LRRIQ1: variants seen among roughly 807,000 people sequenced by gnomAD.
LRRIQ1 encodes the protein leucine rich repeats and IQ motif containing 1.
In LRRIQ1, 210 loss-of-function variants were observed where a neutral mutation model predicts 211.9. The observed-to-expected ratio is 0.99, with a 90% CI of 0.89 to 1.11. The LOEUF (loss-of-function observed/expected upper bound fraction) is 1.11. Among genes scored for constraint, LRRIQ1 ranks in the 50% most tolerant of loss-of-function variants. The probability of loss-of-function intolerance (pLI) is 0.00; values close to 1 mark genes in which losing one functional copy is unlikely to be tolerated. For synonymous variants in LRRIQ1, 699 were observed against 650.1 expected (o/e 1.08, Z -1.14); for missense variants, 2,136 against 1,939.5 (o/e 1.10, Z -1.90).
chr12:85,101,812 A>G (rs538725957), intron 13 of LRRIQ1, among the ~76,000 whole-genome samples: 2 of 151,878 alleles, frequency 1.3e-5, no homozygotes, highest in South Asian at 2.1e-4. Context: ...TTCAAAGCGT[A>G]TATTTCTTCA....
intron 24 of LRRIQ1, among the ~76,000 whole-genome samples, chr12:85,217,912 C>T (rs930530989): frequency 2.0e-5 from 3 of 151,144 alleles, no homozygotes; most frequent in South Asian, 2.1e-4. Flanking sequence ...TGCTATTGAG[C>T]GGGCCCTAGT....
At chr12:85,057,283 G>A in intron 8 of LRRIQ1, 99 bp downstream of exon 8, 1 of 951,144 alleles carries the variant, frequency 1.1e-6, no homozygotes, top group Non-Finnish European at 1.5e-6. Flanking sequence ...TTGTATACAA[G>A]AATTGTCTCT....
chr12:85,232,208 T>A (rs939908847), intron 25 of LRRIQ1, among the ~76,000 whole-genome samples: 11 of 151,988 alleles, frequency 7.2e-5, no homozygotes, highest in South Asian at 2.1e-4. Flanking sequence ...AAGAAAAAAA[T>A]TATTTTCAAA....
At chr12:85,192,967 T>TTA (rs1459266061) in intron 24 of LRRIQ1, among the ~76,000 whole-genome samples, 1 of 27,096 alleles carries the variant, frequency 3.7e-5, no homozygotes, top group Non-Finnish European at 6.4e-5. Flanking sequence ...TATAATATAA[T>TTA]TATATATAAA....
chr12:85,056,810 G>A lies in LRRIQ1; in HGVS notation c.2017G>A (p.Asp673Asn), dbSNP rs757145714. 1 of 1,611,206 alleles carries A rather than the reference G, an allele frequency of 6.2e-7. No individual in the cohort carries two copies. The part of the protein sequence containing the change: ...TMINIEGKRN[D>N]QDYVLGRHAP... ...GATAAATATAGAAGGCAAAAGAAAT[G>A]ACCAAGATTATGTGTTAGGTAGACA... The change falls in exon 8 of 27, where the codon GAC becomes AAC. Residue 673 changes from aspartate to asparagine, a missense_variant. Transcript: ENST00000393217.
chr12:85,075,142 G>GTT (rs1475341506), intron 11 of LRRIQ1, among the ~76,000 whole-genome samples: 4 of 152,066 alleles, frequency 2.6e-5, no homozygotes, highest in Non-Finnish European at 1.5e-5. Context: ...ACTGGCATGA[G>GTT]TTAGGTACTA....
intron 11 of LRRIQ1, among the ~76,000 whole-genome samples, chr12:85,079,244 C>CTTTTTTTT (rs3058476): frequency 3.7e-4 from 38 of 103,566 alleles, no homozygotes; most frequent in African/African-American, 6.1e-4. Flanking sequence ...GTATCTTTAT[C>CTTTTTTTT]TTTTTTTTTT....
chr12:85,272,273 A>G, the LRRIQ1 span, among the ~76,000 whole-genome samples: 1 of 152,164 alleles, frequency 6.6e-6, no homozygotes, highest in South Asian at 2.1e-4. Context: ...AGTTTTATTA[A>G]CCTAAAAAAG....
intron 24 of LRRIQ1, among the ~76,000 whole-genome samples, chr12:85,177,616 T>C (rs1330484811): frequency 6.6e-6 from 1 of 152,088 alleles, no homozygotes; most frequent in Non-Finnish European, 1.5e-5. Context: ...AGGAGTGAGA[T>C]GAAGCTGGAA....
intron 15 of LRRIQ1, among the ~76,000 whole-genome samples, chr12:85,109,599 G>T (rs1329940875): frequency 6.6e-6 from 1 of 152,084 alleles, no homozygotes; most frequent in African/African-American, 2.4e-5. Flanking sequence ...GGTTCTCAAA[G>T]GTGTGTCTCT....
intron 11 of LRRIQ1, among the ~76,000 whole-genome samples, chr12:85,079,864 G>A (rs1053710601): frequency 6.6e-6 from 1 of 151,122 alleles, no homozygotes; most frequent in African/African-American, 2.4e-5. Flanking sequence ...TATTCTTTTA[G>A]GTTACTATAG....
At chr12:85,124,583 A>T (rs572936724) in intron 17 of LRRIQ1, 64 bp downstream of exon 17, 2 of 1,202,468 alleles carry the variant, frequency 1.7e-6, no homozygotes, top group Non-Finnish European at 2.4e-6. Context: ...GGATGATATT[A>T]GTCAATGGTA....
chr12:85,109,978 A>T (rs1332432106), intron 15 of LRRIQ1, among the ~76,000 whole-genome samples: 1 of 152,036 alleles, frequency 6.6e-6, no homozygotes, highest in African/African-American at 2.4e-5. Context: ...TAACTTTTTT[A>T]TGTCTCTGAA....
In LRRIQ1 at chr12:85,057,195, T is replaced by G. The variant is rs920428290; in HGVS notation, c.2391+11T>G. 1 of 1,383,930 alleles carries G rather than the reference T, an allele frequency of 7.2e-7. No homozygotes were observed. Among genetic ancestry groups the G allele is most frequent in the African/African-American group, 1.5e-5 (1 of 67,036 alleles). 85.7% of individuals were successfully genotyped at this position (1,383,930 alleles called of 1,614,324 possible). A position where few individuals can be genotyped will look rare whatever the true frequency, so the allele number is the denominator to read the frequency against. ...GATACTTTACAGCAGGTATTTCTAA[T>G]TTTATAATAATTTTTCACATTTAAT... is the stretch of plus-strand genomic sequence containing the variant. On this transcript the variant is annotated intron_variant, in intron 8 of 26. Transcript: ENST00000393217.
intron 10 of LRRIQ1, among the ~76,000 whole-genome samples, chr12:85,072,611 T>G (rs551117843): frequency 6.6e-6 from 1 of 152,026 alleles, no homozygotes; most frequent in African/African-American, 2.4e-5. Context: ...ATAAATGTCT[T>G]ATCTTTTTCG....
At position 85,038,286 on chromosome 12, in the gene LRRIQ1, C is replaced by A; in HGVS notation, c.110C>A (p.Thr37Asn). 6.3e-7 allele frequency: 1 copy of A among 1,580,738 alleles called. No individual in the cohort carries two copies. The highest frequency in any genetic ancestry group is 1.2e-5 in the South Asian group (1 of 86,688). The change falls in exon 2 of 27, where the codon ACC becomes AAC. Residue 37 changes from threonine (T) to asparagine (N), a missense_variant. Thr to Asn is a moderately conservative substitution (Grantham distance 65). Transcript: ENST00000393217. ...ATTGAGAGTGATGCAAAATCAGAAA[C>A]CCAGAGTGATGATAGTGATACAGTG... ...EDIESDAKSE[T>N]QSDDSDTDSV...
chr12:85,102,954 AAAAAAATAT>A (rs1240899117), intron 13 of LRRIQ1, among the ~76,000 whole-genome samples: 2 of 120,968 alleles, frequency 1.7e-5, no homozygotes, highest in Non-Finnish European at 1.7e-5. Context: ...CAAAAAAAAA[AAAAAAATAT>A]ATATATATAT....
chr12:85,160,731 G>T lies in LRRIQ1; in HGVS notation c.4822+17G>T. On this transcript the variant is annotated intron_variant, in intron 24 of 26. Coordinates refer to ENST00000393217, the MANE Select transcript of LRRIQ1 (RefSeq NM_001079910.2). The stretch of plus-strand genomic sequence containing the variant: ...ACTTTGAAGGTATGGCTTAATAACA[G>T]ATACATAGAGAGGTAAAAAGATAAA... 1 of 1,309,148 alleles carries T rather than the reference G, an allele frequency of 7.6e-7. No individual in the cohort carries two copies. Among genetic ancestry groups the T allele is most frequent in the Non-Finnish European group, 1.1e-6 (1 of 937,172 alleles). 81.1% of individuals were successfully genotyped at this position (1,309,148 alleles called of 1,614,324 possible).
At chr12:85,180,452 A>G (rs999278736) in intron 24 of LRRIQ1, among the ~76,000 whole-genome samples, 2 of 151,948 alleles carry the variant, frequency 1.3e-5, no homozygotes, top group African/African-American at 4.8e-5. Context: ...ACCTTCTGCA[A>G]GATTTCTCAA....
Sources: gnomAD v4.1 joint callset for allele counts (sites outside exome capture counted in the v4.1 genomes callset) on GRCh38, gnomAD v4.1.1 for gene constraint, MANE v1.5 for transcripts, NCBI Gene and HGNC (gene_info 2026-07-23, HGNC 2026-07-21) for gene names.